C19orf47: variants seen among roughly 807,000 people sequenced by gnomAD.
The protein encoded by C19orf47 is uncharacterized protein C19orf47.
In C19orf47, 18 loss-of-function variants were observed where a neutral mutation model predicts 32.3. The ratio of observed to expected loss-of-function variants is 0.56; its 90% confidence interval spans 0.39 to 0.83. C19orf47 has a LOEUF of 0.83. Ranked by LOEUF, C19orf47 falls within the 40% of genes least tolerant of loss-of-function variation. The pLI is 0.00. For synonymous variants in C19orf47, 202 were observed against 211.1 expected (o/e 0.96, Z 0.37); for missense variants, 484 against 531.6 (o/e 0.91, Z 0.88).
At chr19:40,301,312 C>CA in the C19orf47 span, among the ~76,000 whole-genome samples, 69 of 135,780 alleles carry the variant, frequency 5.1e-4, no homozygotes, top group African/African-American at 1.9e-3. Context: ...CCTTGAGAGG[C>CA]TTTTATTTAT....
At chr19:40,319,300 A>T (rs2077685019), downstream of C19orf47, among the ~76,000 whole-genome samples, 3 of 131,182 alleles carry the variant, frequency 2.3e-5, no homozygotes, top group Admixed American at 8.1e-5. Flanking sequence ...AAAATAAAAT[A>T]AAATGGTTAA....
At chr19:40,346,793 T>C (rs1197562261) in intron 1 of C19orf47, among the ~76,000 whole-genome samples, 2 of 152,110 alleles carry the variant, frequency 1.3e-5, no homozygotes, top group Non-Finnish European at 2.9e-5. Context: ...CCCAAAGTGC[T>C]AGGATTACAG....
chr19:40,331,385 C>G (rs377741495), intron 5 of C19orf47, among the ~76,000 whole-genome samples: 1 of 152,216 alleles, frequency 6.6e-6, no homozygotes, highest in African/African-American at 2.4e-5. Flanking sequence ...GCCGTCAACC[C>G]GGCTTCAACC....
At chr19:40,309,758 A>G in the C19orf47 span, among the ~76,000 whole-genome samples, 3 of 152,190 alleles carry the variant, frequency 2.0e-5, no homozygotes, top group African/African-American at 7.2e-5. Flanking sequence ...TAAGGACACT[A>G]AATAAAATAT....
chr19:40,308,296 C>T, the C19orf47 span, among the ~76,000 whole-genome samples: 1 of 151,920 alleles, frequency 6.6e-6, no homozygotes, highest in Non-Finnish European at 1.5e-5. Flanking sequence ...GCTGGGATTA[C>T]AGGCGCGTGT....
At chr19:40,330,277 G>A (rs1384449940) in intron 5 of C19orf47, among the ~76,000 whole-genome samples, 1 of 150,550 alleles carries the variant, frequency 6.6e-6, no homozygotes, top group Admixed American at 6.6e-5. Context: ...CGCCCAGGCT[G>A]GAGTGCAGTG....
At chr19:40,295,617 G>C in the C19orf47 span, among the ~76,000 whole-genome samples, 10 of 151,324 alleles carry the variant, frequency 6.6e-5, no homozygotes, top group African/African-American at 2.4e-4. Context: ...TGTATTTTTA[G>C]TAGAGATGAG....
In C19orf47 at chr19:40,333,628, A is replaced by G. The variant is rs143703871; in HGVS notation, c.301+223T>C. ...GGAGCTAAGAATTCACTAAGTGTAC[A>G]TATTAACTTTACAGAACTTAATGAC... On this transcript the variant is annotated intron_variant, in intron 5 of 8. Transcript: ENST00000683109. 3.6e-3 allele frequency among the ~76,000 whole-genome samples: 544 copies of G among 152,326 alleles called. 3 individuals are homozygous for G. The highest frequency in any genetic ancestry group is 0.012 in the Admixed American group (188 of 15,288).
the C19orf47 span, among the ~76,000 whole-genome samples, chr19:40,311,853 C>T: frequency 5.3e-5 from 8 of 152,134 alleles, no homozygotes; most frequent in Non-Finnish European, 8.8e-5. Context: ...GACAGGGTTT[C>T]ACCATGTTGG....
upstream of C19orf47, chr19:40,348,418 C>T (rs771069658): frequency 8.7e-6 from 13 of 1,496,144 alleles, no homozygotes; most frequent in South Asian, 1.4e-4. Flanking sequence ...GGCTGCCCGC[C>T]CCGGAAGCAT....
chr19:40,324,113 G>A, intron 7 of C19orf47, 37 bp from the exon 8 acceptor site: 1 of 1,608,972 alleles, frequency 6.2e-7, no homozygotes, highest in Non-Finnish European at 8.5e-7. Context: ...AGAGGCCCCG[G>A]TGGGCCAGGC....
Position 40,321,785 on chromosome 19 carries a change from T to A in C19orf47, c.*97A>T. 8 of 1,442,968 alleles carry A rather than the reference T, an allele frequency of 5.5e-6. No homozygotes were observed. Among genetic ancestry groups the A allele is most frequent in the Non-Finnish European group, 7.3e-6 (8 of 1,101,972 alleles). 89.4% of individuals were successfully genotyped at this position (1,442,968 alleles called of 1,614,324 possible). On this transcript the variant is annotated 3_prime_UTR_variant, in exon 9 of 9. Coordinates refer to ENST00000683109, the MANE Select transcript of C19orf47 (RefSeq NM_001256441.2). ...AGCCCGAGGGAGACAAGCTGTGTCATCCAGGAGCTGGTGGGAGGCGTGATG... is the reference window on the plus strand; with the variant it reads ...AGCCCGAGGGAGACAAGCTGTGTCAACCAGGAGCTGGTGGGAGGCGTGATG...
chr19:40,336,186 A>C lies in C19orf47; in HGVS notation c.146T>G (p.Ile49Arg). 1 of 1,614,202 alleles carries C rather than the reference A, an allele frequency of 6.2e-7. No homozygotes were observed. Among genetic ancestry groups the C allele is most frequent in the Non-Finnish European group, 8.5e-7 (1 of 1,180,032 alleles). The change falls in exon 4 of 9, where the codon ATA becomes AGA. Residue 49 changes from isoleucine to arginine, a missense_variant. By Grantham distance (97) the Ile-to-Arg change is moderately conservative. Coordinates refer to ENST00000683109, the MANE Select transcript of C19orf47 (RefSeq NM_001256441.2). ...CACGGTCACGCCCAGCTCATTCATT[A>C]TCTCCTTATTGAGATCCAGCAGCAT... ...KSMLLDLNKE[I>R]MNELGVTVVG...
chr19:40,305,695 G>A, the C19orf47 span, among the ~76,000 whole-genome samples: 1 of 152,138 alleles, frequency 6.6e-6, no homozygotes, highest in Non-Finnish European at 1.5e-5. Flanking sequence ...ATAAATAAAT[G>A]TAACATGTGA....
At chr19:40,338,801 C>T (rs1346213314) in intron 2 of C19orf47, among the ~76,000 whole-genome samples, 1 of 152,114 alleles carries the variant, frequency 6.6e-6, no homozygotes, top group African/African-American at 2.4e-5. Context: ...TACAGGCATG[C>T]ACCATAACAC....
At chr19:40,313,224 A>G in the C19orf47 span, among the ~76,000 whole-genome samples, 1 of 152,210 alleles carries the variant, frequency 6.6e-6, no homozygotes, top group African/African-American at 2.4e-5. Flanking sequence ...TACTGGGTGC[A>G]CAATGGTCTT....
At position 40,332,077 on chromosome 19, in the gene C19orf47, C is replaced by A. The variant is rs28550559; in HGVS notation, c.301+1774G>T. ...AATGGTATCATACTGCTTTTAAAAA[C>A]CAAAAATAGCCAGGTGCAGTGGCTC... On this transcript the variant is annotated intron_variant, in intron 5 of 8. Coordinates refer to ENST00000683109, the MANE Select transcript of C19orf47 (RefSeq NM_001256441.2). Among the ~76,000 whole-genome samples, 963 of 151,766 alleles carry A rather than the reference C, an allele frequency of 6.3e-3. 13 individuals carry two copies. Among genetic ancestry groups the A allele is most frequent in the African/African-American group, 0.023 (937 of 41,408 alleles).
At chr19:40,313,350 G>A in the C19orf47 span, among the ~76,000 whole-genome samples, 1 of 151,856 alleles carries the variant, frequency 6.6e-6, no homozygotes, top group African/African-American at 2.4e-5. Context: ...TTCGAGACAG[G>A]GGCTCACTCT....
the C19orf47 span, among the ~76,000 whole-genome samples, chr19:40,305,559 G>A: frequency 1.3e-5 from 2 of 152,246 alleles, no homozygotes; most frequent in East Asian, 1.9e-4. Flanking sequence ...ATGTCTTGCA[G>A]GCATCAAGTC....
Sources: gnomAD v4.1 joint callset for allele counts (sites outside exome capture counted in the v4.1 genomes callset) on GRCh38, gnomAD v4.1.1 for gene constraint, MANE v1.5 for transcripts, NCBI Gene and HGNC (gene_info 2026-07-23, HGNC 2026-07-21) for gene names.